The following RANBP17 variants were observed in gnomAD, a reference collection of about 807,000 sequenced individuals.
RANBP17 encodes RAN binding protein 17.
A neutral mutation model predicts 141.2 loss-of-function variants in RANBP17; 158 were observed. The ratio of observed to expected loss-of-function variants is 1.12; its 90% CI spans 0.98 to 1.28. The LOEUF (loss-of-function observed/expected upper bound fraction) is 1.28, where lower values mean the gene tolerates loss of function less well. Among genes scored for constraint, RANBP17 ranks in the 50% most tolerant of loss-of-function variants. RANBP17 has a pLI of 0.00. For synonymous variants in RANBP17, 430 were observed against 450.0 expected (o/e 0.96, Z 0.56); for missense variants, 1,438 against 1,290.7 (o/e 1.11, Z -1.75).
intron 14 of RANBP17, among the ~76,000 whole-genome samples, chr5:171,013,332 T>C (rs1405382191): frequency 3.3e-5 from 5 of 152,260 alleles, no homozygotes; most frequent in Admixed American, 2.6e-4. Context: ...GACTTTCCTA[T>C]TGAGAAACCA....
intron 13 of RANBP17, among the ~76,000 whole-genome samples, chr5:170,955,509 GTATATATATGCTCAGTCTGTGTATA>G (rs1775564644): frequency 3.0e-5 from 3 of 99,832 alleles, no homozygotes; most frequent in Non-Finnish European, 6.3e-5. Flanking sequence ...ATATATATAT[GTATATATATGCTCAGTCTGTGTATA>G]TATATATATG....
chr5:171,036,802 G>A (rs1008178986), intron 14 of RANBP17, among the ~76,000 whole-genome samples: 3 of 152,136 alleles, frequency 2.0e-5, no homozygotes, highest in African/African-American at 4.8e-5. Context: ...GTATTCCATG[G>A]TGTATATGTA....
At chr5:170,966,509 ACT>A (rs1776577509) in intron 13 of RANBP17, among the ~76,000 whole-genome samples, 1 of 152,060 alleles carries the variant, frequency 6.6e-6, no homozygotes, top group South Asian at 2.1e-4. Context: ...CAAGCTAAAA[ACT>A]CTCAATAAAT....
At chr5:171,040,113 A>T (rs1782159077) in intron 14 of RANBP17, among the ~76,000 whole-genome samples, 1 of 152,132 alleles carries the variant, frequency 6.6e-6, no homozygotes. Context: ...GGACAAAAAA[A>T]ATCCCCCCAA....
At position 171,183,352 on chromosome 5, in the gene RANBP17, G is replaced by A; in HGVS notation, c.1960G>A (p.Asp654Asn). The A allele has an allele frequency of 6.2e-7, 1 of 1,613,988 alleles. No homozygotes were observed. ...SEHFPFLGIS[D>N]NHSLSDFRCR... is the part of the protein sequence containing the mutation. ...ACACTTCCCTTTTCTTGGCATCAGT[G>A]ACAATCATAGTCTCAGCGACTTCAG... is the stretch of plus-strand genomic sequence containing the variant. The change falls in exon 18 of 28, where the codon GAC (aspartate) becomes AAC (asparagine). Residue 654 changes from aspartate to asparagine, a missense_variant. By Grantham distance (23) the Asp-to-Asn change is conservative. Transcript: ENST00000523189.
chr5:171,099,297 T>C (rs1786947219), intron 14 of RANBP17, among the ~76,000 whole-genome samples: 1 of 152,172 alleles, frequency 6.6e-6, no homozygotes, highest in South Asian at 2.1e-4. Context: ...CCTTGAGCAG[T>C]GGTTTGTAGT....
chr5:171,297,267 G>GT (rs1768876062), intron 27 of RANBP17, among the ~76,000 whole-genome samples: 1 of 152,310 alleles, frequency 6.6e-6, no homozygotes, highest in African/African-American at 2.4e-5. Flanking sequence ...AATCTACTGT[G>GT]TAGGCATTGG....
intron 20 of RANBP17, among the ~76,000 whole-genome samples, chr5:171,212,146 G>A (rs1305153885): frequency 1.3e-5 from 2 of 152,162 alleles, no homozygotes; most frequent in Non-Finnish European, 2.9e-5. Context: ...GTCAGAGAAG[G>A]CCTCCTGGGA....
chr5:171,151,684 T>C (rs901428289), intron 14 of RANBP17, among the ~76,000 whole-genome samples: 2 of 152,212 alleles, frequency 1.3e-5, no homozygotes, highest in East Asian at 3.8e-4. Flanking sequence ...GGTGAGCCAT[T>C]GAGCTGATGG....
intron 25 of RANBP17, among the ~76,000 whole-genome samples, chr5:171,289,784 C>T (rs1380550337): frequency 6.6e-6 from 1 of 152,158 alleles, no homozygotes; most frequent in African/African-American, 2.4e-5. Flanking sequence ...AATCCCAGCA[C>T]CTCGGGAGGC....
chr5:171,089,218 G>A (rs1177146801), intron 14 of RANBP17, among the ~76,000 whole-genome samples: 7 of 118,872 alleles, frequency 5.9e-5, no homozygotes, highest in South Asian at 3.9e-4. Context: ...ATACCCTGCA[G>A]TGTGAGGTGT....
intron 14 of RANBP17, among the ~76,000 whole-genome samples, chr5:171,043,972 TAGAA>T (rs1034522650): frequency 1.3e-5 from 2 of 152,094 alleles, no homozygotes; most frequent in Non-Finnish European, 2.9e-5. Flanking sequence ...CAGAGGCAAA[TAGAA>T]AGGATCTATT....
Position 171,299,082 on chromosome 5 carries a change from G to A in RANBP17, c.*224G>A, listed in dbSNP as rs1561839419. The A allele has an allele frequency of 4.6e-6, 2 of 433,184 alleles. No individual in the cohort carries two copies. The highest frequency in any genetic ancestry group is 4.0e-5 in the African/African-American group (2 of 50,436). The allele number at this position is 433,184 out of a possible 1,614,324, so 26.8% of individuals were successfully genotyped here. A position where few individuals can be genotyped will look rare whatever the true frequency, so the allele number is the denominator to read the frequency against. ...CTGAAAAGCAAAGGATGTGTTTTCA[G>A]TCTTTCTATCAAATATTATCTTTGT... On this transcript the variant is annotated 3_prime_UTR_variant, in exon 28 of 28. Transcript: ENST00000523189.
intron 25 of RANBP17, among the ~76,000 whole-genome samples, chr5:171,290,882 G>A (rs759011539): frequency 3.9e-5 from 6 of 152,174 alleles, no homozygotes; most frequent in Non-Finnish European, 5.9e-5. Context: ...CCTACTATGT[G>A]GCAAGCACAG....
intron 14 of RANBP17, among the ~76,000 whole-genome samples, chr5:171,012,029 A>AT: frequency 6.6e-6 from 1 of 150,612 alleles, no homozygotes. Context: ...TTAAACAAAT[A>AT]ATATATTTGT....
chr5:170,864,809 T>C (rs1290446101), intron 1 of RANBP17, among the ~76,000 whole-genome samples: 1 of 152,144 alleles, frequency 6.6e-6, no homozygotes, highest in Non-Finnish European at 1.5e-5. Context: ...GATTGAGAAC[T>C]ATTATTTTTA....
intron 24 of RANBP17, among the ~76,000 whole-genome samples, chr5:171,253,692 C>T (rs1581125216): frequency 6.6e-6 from 1 of 152,068 alleles, no homozygotes; most frequent in African/African-American, 2.4e-5. Flanking sequence ...TATGAAGTGC[C>T]CATGATTCTG....
chr5:171,054,054 A>T (rs902919590), intron 14 of RANBP17, among the ~76,000 whole-genome samples: 1 of 151,696 alleles, frequency 6.6e-6, no homozygotes, highest in African/African-American at 2.4e-5. Context: ...TGATATTTGA[A>T]TAGCCATTCT....
intron 27 of RANBP17, among the ~76,000 whole-genome samples, chr5:171,297,802 A>C (rs1304038364): frequency 6.9e-6 from 1 of 145,662 alleles, no homozygotes; most frequent in Admixed American, 6.9e-5. Flanking sequence ...TGTGTTGAGT[A>C]CTTACAGGCA....
Sources: allele counts gnomAD v4.1 joint callset (sites outside exome capture counted in the v4.1 genomes callset), GRCh38; gene constraint gnomAD v4.1.1; transcripts MANE v1.5; gene names NCBI Gene and HGNC (gene_info 2026-07-23, HGNC 2026-07-21).